SMG5: variants seen among roughly 807,000 people sequenced by gnomAD.
SMG5 encodes SMG5 nonsense mediated mRNA decay factor.
A neutral mutation model predicts 122.9 loss-of-function variants in SMG5; 53 were observed. The observed-to-expected ratio is 0.43, with a 90% confidence interval of 0.35 to 0.54. SMG5 has a LOEUF of 0.54. Ranked by LOEUF, SMG5 falls within the 20% of genes least tolerant of loss-of-function variation. SMG5 has a pLI of 0.01. For missense variants in SMG5, 1,153 were observed against 1,285.6 expected (o/e 0.90, Z 1.58); for synonymous variants, 477 against 490.2 (o/e 0.97, Z 0.35).
Position 156,263,407 on chromosome 1 carries a change from G to C in SMG5, c.2019C>G (p.Ile673Met). ...TGGACTGACACACCTGCGCACACAC[G>C]ATGATGAGGTCGGGGTTGGTCCGAA... ...DWLRTNPDLI[I>M]VCAQSSQSLW... The change falls in exon 13 of 22, where the codon ATC becomes ATG. Residue 673 changes from isoleucine to methionine, a missense_variant. Physicochemically the swap from Ile to Met is conservative, Grantham distance 10. Coordinates refer to ENST00000361813, the MANE Select transcript of SMG5 (RefSeq NM_015327.3). 6.2e-7 allele frequency: 1 copy of C among 1,613,828 alleles called. No individual in the cohort carries two copies. Among genetic ancestry groups the C allele is most frequent in the Non-Finnish European group, 8.5e-7 (1 of 1,179,808 alleles).
At chr1:156,265,722 G>C in intron 12 of SMG5, 59 bp downstream of exon 12, 1 of 1,566,236 alleles carries the variant, frequency 6.4e-7, no homozygotes, top group Non-Finnish European at 8.7e-7. Flanking sequence ...GGCCTCTCTG[G>C]TGAGTGTCTA....
At chr1:156,256,256 CAA>C (rs1235042201) in intron 16 of SMG5, among the ~76,000 whole-genome samples, 1 of 149,378 alleles carries the variant, frequency 6.7e-6, no homozygotes, top group Non-Finnish European at 1.5e-5. Flanking sequence ...ACAATGTAAA[CAA>C]ATGAAAGAAT....
In SMG5 at chr1:156,282,487, A is replaced by C. The variant is rs1572603971; in HGVS notation, c.74+120T>G. 3.8e-6 allele frequency: 4 copies of C among 1,065,916 alleles called. No individual in the cohort carries two copies. The South Asian group carries it at 5.8e-5, about 15-fold the overall frequency. The allele number at this position is 1,065,916 out of a possible 1,614,324, so 66.0% of individuals were successfully genotyped here. ...GACCCCGCCCCGCCTCCAAAATTGC[A>C]CCCTCCTTCCTCACCCGCACCTCAC... On this transcript the variant is annotated intron_variant, in intron 1 of 21. Transcript: ENST00000361813.
intron 13 of SMG5, among the ~76,000 whole-genome samples, chr1:156,262,460 A>G (rs902052986): frequency 5.1e-5 from 7 of 138,146 alleles, no homozygotes; most frequent in South Asian, 2.5e-4. Context: ...TGGGCGACAG[A>G]GCCAGACTCC....
rs1306117760 is a variant in SMG5, at chr1:156,266,599, C to T, written c.1197G>A (p.Leu399=). ...TCTCGCCCTCTTCCAGCTCAGCCTG[C>T]AGCCGTATGTTGACATGATTGACGA... ...SHLVNHVNIR[L]QAELEEGENP... is the part of the protein sequence containing the mutation. Residue 399 remains leucine (L), a synonymous_variant, in exon 11 of 22, where the codon CTG becomes CTA. Coordinates refer to ENST00000361813, the MANE Select transcript of SMG5 (RefSeq NM_015327.3). The T allele has an allele frequency of 1.9e-6, 3 of 1,614,162 alleles. No individual in the cohort carries two copies. The highest frequency in any genetic ancestry group is 1.7e-6 in the Non-Finnish European group (2 of 1,180,036).
intron 6 of SMG5, among the ~76,000 whole-genome samples, chr1:156,272,692 C>T (rs558301629): frequency 7.9e-5 from 12 of 152,076 alleles, no homozygotes; most frequent in Non-Finnish European, 1.5e-4. Flanking sequence ...CCTGCCTCAG[C>T]CTCTCCCAGT....
chr1:156,281,133 T>C (rs530875838), intron 1 of SMG5, among the ~76,000 whole-genome samples: 1 of 152,312 alleles, frequency 6.6e-6, no homozygotes, highest in Non-Finnish European at 1.5e-5. Context: ...ACTGCTATAA[T>C]AAATTATAAA....
upstream of SMG5, chr1:156,286,146 AC>A: frequency 7.3e-7 from 1 of 1,367,900 alleles, no homozygotes; most frequent in Non-Finnish European, 1.0e-6. Context: ...GACCACCTCC[AC>A]CCCACTGTGT....
chr1:156,255,816 T>C (rs928663868), intron 16 of SMG5, among the ~76,000 whole-genome samples: 1 of 152,048 alleles, frequency 6.6e-6, no homozygotes, highest in Non-Finnish European at 1.5e-5. Context: ...GGCAGGACAA[T>C]TGCTTGAGGC....
upstream of SMG5, among the ~76,000 whole-genome samples, chr1:156,283,258 G>A (rs2101583524): frequency 6.6e-6 from 1 of 152,294 alleles, no homozygotes; most frequent in East Asian, 1.9e-4. Context: ...GGAAAGGGCC[G>A]AGCATCACAT....
Position 156,266,033 on chromosome 1 carries a change from G to A in SMG5, c.1603C>T (p.Arg535Trp), listed in dbSNP as rs778482940. Residue 535 changes from arginine to tryptophan, a missense_variant, in exon 12 of 22, where the codon CGG (arginine) becomes TGG (tryptophan). Physicochemically the swap from Arg to Trp is moderately radical, Grantham distance 101 (BLOSUM62 -3). Coordinates refer to ENST00000361813, the MANE Select transcript of SMG5 (RefSeq NM_015327.3). ...LEDMEEEEGT[R>W]SPTLEPPRGR... ...CGAGGGGGCTCCAGGGTTGGTGACC[G>A]TGTCCCCTCCTCTTCCTCCATATCT... The A allele has an allele frequency of 8.7e-6, 14 of 1,614,204 alleles. No homozygotes were observed. Among genetic ancestry groups the A allele is most frequent in the South Asian group, 3.3e-5 (3 of 91,084 alleles).
At chr1:156,288,340 CT>C in the SMG5 span, among the ~76,000 whole-genome samples, 247 of 132,994 alleles carry the variant, frequency 1.9e-3, no homozygotes, top group Admixed American at 2.3e-3. Flanking sequence ...CTTTTTTTTT[CT>C]TTTTTTTTTT....
intron 20 of SMG5, 134 bp from the exon 21 acceptor site, chr1:156,251,130 C>T (rs1242282221): frequency 8.0e-7 from 1 of 1,249,594 alleles, no homozygotes. Context: ...GGAAGCTGGC[C>T]CTGGAGACAT....
upstream of SMG5, chr1:156,286,411 T>A: frequency 6.2e-7 from 1 of 1,614,188 alleles, no homozygotes; most frequent in South Asian, 1.1e-5. Flanking sequence ...TGCTTTCCAC[T>A]TACCTGCCCC....
rs1399922358 is a variant in SMG5, at chr1:156,263,470, T to G, written c.1956A>C (p.Glu652Asp). 6.2e-7 allele frequency: 1 copy of G among 1,614,240 alleles called. No individual in the cohort carries two copies. Among genetic ancestry groups the G allele is most frequent in the Admixed American group, 1.7e-5 (1 of 60,028 alleles). The part of the protein sequence containing the change: ...IQEKLQVLMA[E>D]GLLPAVKVFL... ...AGACTTTCACAGCAGGAAGCAGACC[T>G]TCGGCCATCAGGACCTGAAGCTTCT... is the stretch of plus-strand genomic sequence containing the variant. The change falls in exon 13 of 22, where the codon GAA becomes GAC. Residue 652 changes from glutamate to aspartate, a missense_variant. Physicochemically the swap from Glu to Asp is conservative, Grantham distance 45. Around this residue, in one of 5 missense-constraint regions of SMG5, gnomAD observed 631 missense variants for 650.6 expected, o/e 0.97. Coordinates refer to ENST00000361813, the MANE Select transcript of SMG5 (RefSeq NM_015327.3).
the SMG5 span, among the ~76,000 whole-genome samples, chr1:156,288,378 C>G: frequency 6.6e-6 from 1 of 150,674 alleles, no homozygotes; most frequent in African/African-American, 2.4e-5. Flanking sequence ...CTCTGTTACC[C>G]AGGCTGGAGT....
At chr1:156,261,218 C>G in intron 14 of SMG5, 115 bp downstream of exon 14, 1 of 950,372 alleles carries the variant, frequency 1.1e-6, no homozygotes, top group Admixed American at 1.8e-5. Context: ...GGGAGGCTGG[C>G]AGTGAATCCC....
At chr1:156,286,008 C>T, upstream of SMG5, 1 of 1,579,658 alleles carries the variant, frequency 6.3e-7, no homozygotes, top group African/African-American at 1.3e-5. Flanking sequence ...AGAAAGGGGG[C>T]ATCGGGAAGT....
chr1:156,260,323 G>T, intron 15 of SMG5, 128 bp downstream of exon 15: 1 of 1,132,278 alleles, frequency 8.8e-7, no homozygotes, highest in Non-Finnish European at 1.3e-6. Context: ...ACAGCCTGTA[G>T]CCCCAAGGAC....
Sources: gnomAD v4.1 joint callset for allele counts (sites outside exome capture counted in the v4.1 genomes callset) on GRCh38, gnomAD v4.1.1 for gene constraint, gnomAD v4.1.1 regional missense constraint, MANE v1.5 for transcripts, NCBI Gene and HGNC (gene_info 2026-07-23, HGNC 2026-07-21) for gene names.